The following ZNF385B variants were observed in gnomAD, a reference collection of about 807,000 sequenced individuals.
ZNF385B encodes the protein zinc finger protein 533.
A neutral mutation model predicts 39.2 loss-of-function variants in ZNF385B; 23 were observed. That is an observed-to-expected ratio of 0.59 (90% confidence interval 0.42 to 0.83). The LOEUF (loss-of-function observed/expected upper bound fraction) is 0.83. Ranked by LOEUF, ZNF385B falls within the 40% of genes least tolerant of loss-of-function variation. ZNF385B has a pLI of 0.00. For missense variants in ZNF385B, 552 were observed against 598.9 expected (o/e 0.92, Z 0.82); for synonymous variants, 205 against 222.6 (o/e 0.92, Z 0.70).
chr2:179,763,636 C>T (rs1010168877), intron 3 of ZNF385B, among the ~76,000 whole-genome samples: 5 of 152,176 alleles, frequency 3.3e-5, no homozygotes, highest in African/African-American at 1.2e-4. Flanking sequence ...GCATTTAAGG[C>T]TATAAATTTC....
intron 3 of ZNF385B, among the ~76,000 whole-genome samples, chr2:179,753,336 T>C (rs1702799429): frequency 6.6e-6 from 1 of 152,344 alleles, no homozygotes; most frequent in African/African-American, 2.4e-5. Context: ...TTTTGGTTAC[T>C]GTGGCCTTGT....
rs895725248 is a variant in ZNF385B, at chr2:179,526,365, G to A, written c.442-7727C>T. Among the ~76,000 whole-genome samples, 7 of 152,020 alleles carry A rather than the reference G, an allele frequency of 4.6e-5. No homozygotes were observed. The South Asian group carries it at 6.2e-4, about 14-fold the overall frequency. ...AGCACTTTGGGATGTTGAGGCAGGC[G>A]GATCACCTCAGGTCAGGAGTTCAAG... On this transcript the variant is annotated intron_variant, in intron 4 of 9. Coordinates refer to ENST00000410066, the MANE Select transcript of ZNF385B (RefSeq NM_152520.6).
At chr2:179,644,603 G>C (rs1275186874) in intron 3 of ZNF385B, among the ~76,000 whole-genome samples, 2 of 152,110 alleles carry the variant, frequency 1.3e-5, no homozygotes, top group Non-Finnish European at 2.9e-5. Context: ...CATTGTGAAA[G>C]TTCAAATCAA....
intron 3 of ZNF385B, among the ~76,000 whole-genome samples, chr2:179,646,131 C>T (rs996284081): frequency 6.6e-6 from 1 of 152,118 alleles, no homozygotes; most frequent in African/African-American, 2.4e-5. Flanking sequence ...AAACCTAAAC[C>T]TGGCTGAGTG....
At chr2:179,691,552 A>G (rs1317822566) in intron 3 of ZNF385B, among the ~76,000 whole-genome samples, 1 of 152,198 alleles carries the variant, frequency 6.6e-6, no homozygotes, top group Admixed American at 6.5e-5. Flanking sequence ...CATCCTGATG[A>G]AAGTTGTATC....
chr2:179,573,066 G>A (rs1431562740), intron 3 of ZNF385B, among the ~76,000 whole-genome samples: 25 of 152,102 alleles, frequency 1.6e-4, no homozygotes, highest in Admixed American at 1.3e-3. Flanking sequence ...CAAGAATTCA[G>A]ATTTAGTCAA....
chr2:179,571,290 T>G (rs899869974), intron 3 of ZNF385B, among the ~76,000 whole-genome samples: 7 of 152,218 alleles, frequency 4.6e-5, no homozygotes, highest in African/African-American at 1.7e-4. Context: ...ACAACAGTTA[T>G]GGACAATAAG....
intron 3 of ZNF385B, among the ~76,000 whole-genome samples, chr2:179,709,463 C>G (rs1699845251): frequency 6.6e-6 from 1 of 152,086 alleles, no homozygotes; most frequent in African/African-American, 2.4e-5. Flanking sequence ...AAGGACATTC[C>G]CCATTATATC....
intron 3 of ZNF385B, among the ~76,000 whole-genome samples, chr2:179,645,980 C>T (rs1575077749): frequency 6.6e-6 from 1 of 152,190 alleles, no homozygotes; most frequent in South Asian, 2.1e-4. Flanking sequence ...AGGGTATAAT[C>T]TGTCTCCTTC....
At chr2:179,757,282 C>T (rs181067358) in intron 3 of ZNF385B, among the ~76,000 whole-genome samples, 19,937 of 151,814 alleles carry the variant, frequency 0.13, 1,385 homozygotes, top group East Asian at 0.46. Flanking sequence ...ACAGTGAATA[C>T]TGCTGAACAG....
intron 3 of ZNF385B, among the ~76,000 whole-genome samples, chr2:179,653,167 C>A (rs902203086): frequency 1.3e-5 from 2 of 152,138 alleles, no homozygotes; most frequent in Non-Finnish European, 2.9e-5. Context: ...GGCTGTGACA[C>A]ATGCCAGCTG....
intron 3 of ZNF385B, among the ~76,000 whole-genome samples, chr2:179,654,845 C>T (rs1693572111): frequency 6.6e-6 from 1 of 152,180 alleles, no homozygotes; most frequent in Non-Finnish European, 1.5e-5. Flanking sequence ...ACCCAACTTG[C>T]AGGATGTCAT....
At chr2:179,735,880 T>G in intron 3 of ZNF385B, among the ~76,000 whole-genome samples, 1 of 104,702 alleles carries the variant, frequency 9.6e-6, no homozygotes, top group Non-Finnish European at 1.8e-5. Context: ...TGGGGACTGT[T>G]GTGGGGTGGG....
intron 6 of ZNF385B, among the ~76,000 whole-genome samples, chr2:179,450,146 A>C (rs1477606523): frequency 1.1e-4 from 17 of 151,924 alleles, no homozygotes; most frequent in African/African-American, 3.9e-4. Context: ...AACCATAAAA[A>C]CCCTAGAAGA....
At chr2:179,515,944 C>T (rs560329767) in intron 5 of ZNF385B, among the ~76,000 whole-genome samples, 2 of 150,826 alleles carry the variant, frequency 1.3e-5, no homozygotes, top group African/African-American at 4.9e-5. Flanking sequence ...TAACCCTTAG[C>T]CCCTGTTAAC....
At chr2:179,457,136 A>G (rs1030522292) in intron 6 of ZNF385B, among the ~76,000 whole-genome samples, 1 of 152,080 alleles carries the variant, frequency 6.6e-6, no homozygotes, top group Non-Finnish European at 1.5e-5. Context: ...ATCACACAAT[A>G]TATTTCTTTT....
chr2:179,724,026 G>A (rs748366135), intron 3 of ZNF385B, among the ~76,000 whole-genome samples: 1 of 152,092 alleles, frequency 6.6e-6, no homozygotes, highest in Non-Finnish European at 1.5e-5. Flanking sequence ...TAAAGGCATT[G>A]GGTGGGGCAC....
chr2:179,560,293 A>AGGAAT (rs1438328297), intron 3 of ZNF385B, among the ~76,000 whole-genome samples: 2 of 152,184 alleles, frequency 1.3e-5, no homozygotes, highest in Admixed American at 6.6e-5. Flanking sequence ...AAAGCAACAA[A>AGGAAT]GGAATGGAGA....
intron 3 of ZNF385B, among the ~76,000 whole-genome samples, chr2:179,615,363 CAGG>C (rs1475625008): frequency 6.6e-6 from 1 of 152,154 alleles, no homozygotes; most frequent in Non-Finnish European, 1.5e-5. Context: ...CTTGTACCAG[CAGG>C]AGAAGCAATA....
Sources: allele counts gnomAD v4.1 joint callset (sites outside exome capture counted in the v4.1 genomes callset), GRCh38; gene constraint gnomAD v4.1.1; transcripts MANE v1.5; gene names NCBI Gene and HGNC (gene_info 2026-07-23, HGNC 2026-07-21).